Variants in ZNF175 observed in about 807,000 individuals in gnomAD.
The protein encoded by ZNF175 is zinc finger protein OTK18.
In ZNF175, 8 loss-of-function variants were observed where a neutral mutation model predicts 14.0. The ratio of observed to expected loss-of-function variants is 0.57; its 90% CI spans 0.34 to 1.03. The LOEUF (loss-of-function observed/expected upper bound fraction) is 1.03, where lower values mean the gene tolerates loss of function less well. Among genes scored for constraint, ZNF175 ranks in the 50% least tolerant of loss-of-function variants. ZNF175 has a pLI of 0.03. For missense variants in ZNF175, 764 were observed against 849.5 expected (o/e 0.90, Z 1.25); for synonymous variants, 255 against 296.8 (o/e 0.86, Z 1.45).
chr19:51,572,527 C>T (rs1379699543), intron 1 of ZNF175, among the ~76,000 whole-genome samples: 8 of 152,096 alleles, frequency 5.3e-5, no homozygotes, highest in South Asian at 4.1e-4. Flanking sequence ...ATAGGTACAC[C>T]AGACAGAGCC....
At chr19:51,580,533 A>G (rs1981961094) in intron 2 of ZNF175, among the ~76,000 whole-genome samples, 2 of 152,220 alleles carry the variant, frequency 1.3e-5, no homozygotes, top group African/African-American at 2.4e-5. Context: ...TCATTAACCT[A>G]ATATTAGTTA....
At chr19:51,586,530 C>T in intron 4 of ZNF175, 97 bp from the exon 5 acceptor site, 1 of 1,236,634 alleles carries the variant, frequency 8.1e-7, no homozygotes. Context: ...TATTACATGA[C>T]TCAGCAATTT....
At chr19:51,576,651 A>G (rs192461475) in intron 2 of ZNF175, among the ~76,000 whole-genome samples, 8 of 152,130 alleles carry the variant, frequency 5.3e-5, no homozygotes, top group Admixed American at 4.6e-4. Flanking sequence ...AACCTTTCCT[A>G]TTGCTTTTTT....
At position 51,589,834 on chromosome 19, in the gene ZNF175, A is replaced by G. The variant is rs1982298888; in HGVS notation, c.*1367A>G. Reference sequence around the variant, plus strand: ...CCCAAGCTGGAAACTGAAAATATCTACTCTCTGGCTCTTTACAGAAAATGT... The same window carrying G: ...CCCAAGCTGGAAACTGAAAATATCTGCTCTCTGGCTCTTTACAGAAAATGT... On this transcript the variant is annotated 3_prime_UTR_variant, in exon 5 of 5. Coordinates refer to ENST00000262259, the MANE Select transcript of ZNF175 (RefSeq NM_007147.4). 4 of 543,888 alleles carry G rather than the reference A, an allele frequency of 7.4e-6. No individual in the cohort carries two copies. The highest frequency in any genetic ancestry group is 3.5e-5 in the Admixed American group (1 of 28,376). 33.7% of individuals were successfully genotyped at this position (543,888 alleles called of 1,614,324 possible).
chr19:51,586,637 T>C lies in ZNF175; in HGVS notation c.306T>C (p.Phe102=). The change falls in exon 5 of 5, where the codon TTT becomes TTC. Residue 102 remains phenylalanine (F), a synonymous_variant. Coordinates refer to ENST00000262259, the MANE Select transcript of ZNF175 (RefSeq NM_007147.4). ...VSHQRCQERE[F]GLEIPQKEIS... is the part of the protein sequence containing the mutation. Reference sequence around the variant, plus strand: ...TCTTTCTCCTTTTAGAAAGGGAGTTTGGGCTTGAAATCCCACAAAAGGAGA... The same window carrying C: ...TCTTTCTCCTTTTAGAAAGGGAGTTCGGGCTTGAAATCCCACAAAAGGAGA... 1 of 1,589,382 alleles carries C rather than the reference T, an allele frequency of 6.3e-7. No homozygotes were observed. Among genetic ancestry groups the C allele is most frequent in the Non-Finnish European group, 8.6e-7 (1 of 1,169,146 alleles).
intron 1 of ZNF175, among the ~76,000 whole-genome samples, chr19:51,572,389 C>A (rs548718419): frequency 6.6e-6 from 1 of 152,282 alleles, no homozygotes; most frequent in Non-Finnish European, 1.5e-5. Context: ...GGCCCTGATG[C>A]ATGTCTGCAA....
rs531832932 is a variant in ZNF175, at chr19:51,592,350, C to T, written c.*3883C>T. The T allele has an allele frequency of 1.4e-3, 474 of 350,980 alleles. 3 individuals are homozygous for T. Among genetic ancestry groups the T allele is most frequent in the Admixed American group, 2.5e-3 (56 of 22,556 alleles). 21.7% of individuals were successfully genotyped at this position (350,980 alleles called of 1,614,324 possible). ...GCACAATGGGAATAATAATAGATCT[C>T]GCCTTGTGGCTCCTTTGCAGATTAC... On this transcript the variant is annotated 3_prime_UTR_variant, in exon 5 of 5. Transcript: ENST00000262259.
chr19:51,583,519 C>T (rs1330096838), intron 4 of ZNF175, among the ~76,000 whole-genome samples: 2 of 151,922 alleles, frequency 1.3e-5, no homozygotes, highest in East Asian at 1.9e-4. Flanking sequence ...TTCTTAATCC[C>T]AGTGGTATTA....
intron 2 of ZNF175, among the ~76,000 whole-genome samples, chr19:51,576,158 T>TG (rs1568572943): frequency 6.6e-6 from 1 of 150,950 alleles, no homozygotes; most frequent in African/African-American, 2.4e-5. Context: ...TTTTGTTTTT[T>TG]TTTTTTTTTG....
At chr19:51,577,710 C>T (rs1289047964) in intron 2 of ZNF175, among the ~76,000 whole-genome samples, 1 of 141,934 alleles carries the variant, frequency 7.0e-6, no homozygotes, top group Non-Finnish European at 1.5e-5. Flanking sequence ...GTCGCCCAGG[C>T]TGGAGTGCAG....
At position 51,585,798 on chromosome 19, in the gene ZNF175, T is replaced by C. The variant is rs540442729; in HGVS notation, c.296-829T>C. Among the ~76,000 whole-genome samples the C allele has an allele frequency of 2.0e-5, 3 of 152,302 alleles. No individual in the cohort carries two copies. In the South Asian group the frequency reaches 6.2e-4, roughly 32 times the overall value. The stretch of plus-strand genomic sequence containing the variant: ...AAAACTAAACTAAAAAAGGCATATT[T>C]GATAGCATAAAGCCAAAAGTTCTAA... On this transcript the variant is annotated intron_variant, in intron 4 of 4. Coordinates refer to ENST00000262259, the MANE Select transcript of ZNF175 (RefSeq NM_007147.4).
rs751180298 is a variant in ZNF175, at chr19:51,586,699, G to A, written c.368G>A (p.Gly123Asp). The change falls in exon 5 of 5, where the codon GGT (glycine) becomes GAT (aspartate). Residue 123 changes from glycine (G) to aspartate (D), a missense_variant. Transcript: ENST00000262259. ...KKASFQKDMV[G>D]EFTRDGSWCS... ...GCTTCATTTCAAAAGGATATGGTAGGTGAGTTCACAAGAGATGGTTCATGG... is the reference window on the plus strand; with the variant it reads ...GCTTCATTTCAAAAGGATATGGTAGATGAGTTCACAAGAGATGGTTCATGG... The A allele has an allele frequency of 3.0e-5, 49 of 1,613,954 alleles. No homozygotes were observed. The highest frequency in any genetic ancestry group is 3.5e-5 in the Non-Finnish European group (41 of 1,179,988).
rs1484643430 is a variant in ZNF175, at chr19:51,587,362, T to A, written c.1031T>A (p.Phe344Tyr). ...ATATGCAAGGAATGTGGGAAGGTCT[T>A]TATTCAGAGATCAGAATTGCTTACG... is the stretch of plus-strand genomic sequence containing the variant. ...PCICKECGKV[F>Y]IQRSELLTHQ... The change falls in exon 5 of 5, where the codon TTT becomes TAT. Residue 344 changes from phenylalanine (F) to tyrosine (Y), a missense_variant. Transcript: ENST00000262259. 1.2e-6 allele frequency: 2 copies of A among 1,614,174 alleles called. No homozygotes were observed. Among genetic ancestry groups the A allele is most frequent in the South Asian group, 2.2e-5 (2 of 91,084 alleles).
intron 2 of ZNF175, among the ~76,000 whole-genome samples, chr19:51,575,267 A>G (rs1341260109): frequency 8.2e-6 from 1 of 122,162 alleles, no homozygotes; most frequent in Non-Finnish European, 1.6e-5. Flanking sequence ...CGCAGGCTGG[A>G]GTGCAGTGGC....
At position 51,587,951 on chromosome 19, in the gene ZNF175, C is replaced by CA; in HGVS notation, c.1622dup (p.Asn541LysfsTer23). 6.2e-7 allele frequency: 1 copy of CA among 1,614,174 alleles called. No individual in the cohort carries two copies. Among genetic ancestry groups the CA allele is most frequent in the African/African-American group, 1.3e-5 (1 of 75,038 alleles). The stretch of plus-strand genomic sequence containing the variant: ...TATGCAGTGAATGCGGGAAAGCCTT[C>CA]AACCAGAAGTCAATACTCAGCATGC... On this transcript the variant is annotated frameshift_variant, in exon 5 of 5. Coordinates refer to ENST00000262259, the MANE Select transcript of ZNF175 (RefSeq NM_007147.4). LOFTEE classifies it low-confidence loss of function (END_TRUNC).
intron 2 of ZNF175, chr19:51,573,981 T>C (rs1230924259): frequency 6.6e-6 from 1 of 152,622 alleles, no homozygotes; most frequent in Non-Finnish European, 1.5e-5. Context: ...ATAGAAATAG[T>C]CAGGATTTGG....
intron 2 of ZNF175, among the ~76,000 whole-genome samples, chr19:51,577,881 T>C (rs773758571): frequency 1.3e-5 from 2 of 151,320 alleles, no homozygotes; most frequent in South Asian, 2.1e-4. Context: ...GCCAGGATGG[T>C]CTCAATCTCC....
chr19:51,591,516 T>C lies in ZNF175; in HGVS notation c.*3049T>C, dbSNP rs1982343156. 1 of 152,262 alleles carries C rather than the reference T, an allele frequency of 6.6e-6. No individual in the cohort carries two copies. The allele number at this position is 152,262 out of a possible 1,614,324, so 9.4% of individuals were successfully genotyped here. Reference sequence around the variant, plus strand: ...TCATGAGATGAGAGGTCAAGAGTTTTGAGTTTCCAGAGGGAGAAGCTACTA... The same window carrying C: ...TCATGAGATGAGAGGTCAAGAGTTTCGAGTTTCCAGAGGGAGAAGCTACTA... On this transcript the variant is annotated 3_prime_UTR_variant, in exon 5 of 5. Coordinates refer to ENST00000262259, the MANE Select transcript of ZNF175 (RefSeq NM_007147.4).
chr19:51,587,605 G>C lies in ZNF175; in HGVS notation c.1274G>C (p.Gly425Ala). 1 of 1,614,140 alleles carries C rather than the reference G, an allele frequency of 6.2e-7. No homozygotes were observed. The change falls in exon 5 of 5, where the codon GGG (glycine) becomes GCG (alanine). Residue 425 changes from glycine (G) to alanine (A), a missense_variant. Coordinates refer to ENST00000262259, the MANE Select transcript of ZNF175 (RefSeq NM_007147.4). The part of the protein sequence containing the change: ...GERQYACSEC[G>A]KAFTQKSTLS... ...AGACAGTATGCATGCAGTGAATGTG[G>C]GAAAGCCTTTACCCAGAAGTCAACA...
Sources: allele counts gnomAD v4.1 joint callset (sites outside exome capture counted in the v4.1 genomes callset), GRCh38; gene constraint gnomAD v4.1.1; transcripts MANE v1.5; gene names NCBI Gene and HGNC (gene_info 2026-07-23, HGNC 2026-07-21).